Variants in TMC7 observed in about 807,000 individuals in gnomAD.
TMC7 encodes the protein transmembrane channel like 7, also known as transmembrane channel-like protein 7.
A neutral mutation model predicts 82.9 loss-of-function variants in TMC7; 54 were observed. That is an observed-to-expected ratio of 0.65 (90% CI 0.52 to 0.82). The LOEUF is 0.82. TMC7 is among the 40% of genes least tolerant of loss of function. The probability of loss-of-function intolerance (pLI) is 0.00; values close to 1 mark genes in which losing one functional copy is unlikely to be tolerated. For missense variants in TMC7, 820 were observed against 901.2 expected (o/e 0.91, Z 1.15); for synonymous variants, 350 against 337.9 (o/e 1.04, Z -0.39).
At chr16:19,016,167 G>T (rs1959678467) in intron 2 of TMC7, among the ~76,000 whole-genome samples, 1 of 151,906 alleles carries the variant, frequency 6.6e-6, no homozygotes, top group Non-Finnish European at 1.5e-5. Context: ...CACCATCTCG[G>T]CTCACCGCAA....
At chr16:18,989,192 A>G (rs899642126) in intron 1 of TMC7, among the ~76,000 whole-genome samples, 5 of 152,174 alleles carry the variant, frequency 3.3e-5, no homozygotes, top group Non-Finnish European at 7.4e-5. Context: ...TTCTAAGCCC[A>G]TTCGTCCAGG....
At chr16:19,021,541 C>T in intron 3 of TMC7, 88 bp from the exon 4 acceptor site, 1 of 1,419,760 alleles carries the variant, frequency 7.0e-7, no homozygotes, top group African/African-American at 1.4e-5. Flanking sequence ...ACTGATTCCT[C>T]CAGCTTCAGC....
chr16:19,012,982 A>T (rs919266634), intron 2 of TMC7, among the ~76,000 whole-genome samples: 3 of 149,240 alleles, frequency 2.0e-5, no homozygotes, highest in African/African-American at 7.4e-5. Flanking sequence ...ATGCCTGGCT[A>T]ATTTTGTAAT....
At position 19,045,022 on chromosome 16, in the gene TMC7, G is replaced by A. The variant is rs182552718; in HGVS notation, c.1455+21G>A. 1,368 of 1,565,916 alleles carry A rather than the reference G, an allele frequency of 8.7e-4. 18 individuals carry two copies. The East Asian group carries it at 0.027, about 31-fold the overall frequency. ...ACCCGGTGAGTTGCGGGGCGGGGGC[G>A]TTCGGCTGGGTGGGTCCTTCTGGAA... On this transcript the variant is annotated intron_variant, in intron 10 of 15. Coordinates refer to ENST00000304381, the MANE Select transcript of TMC7 (RefSeq NM_024847.4).
At chr16:19,016,420 G>T in intron 2 of TMC7, 30 bp from the exon 3 acceptor site, 3 of 1,613,180 alleles carry the variant, frequency 1.9e-6, no homozygotes, top group Non-Finnish European at 2.5e-6. Flanking sequence ...TGCTGTTGTT[G>T]TCATTGTCAT....
At chr16:19,051,600 C>T in intron 12 of TMC7, 86 bp from the exon 13 acceptor site, 3 of 1,487,444 alleles carry the variant, frequency 2.0e-6, no homozygotes, top group Non-Finnish European at 1.9e-6. Context: ...GATTAACATT[C>T]CCACTGTAAT....
chr16:19,052,128 C>T (rs1011220635), intron 13 of TMC7, among the ~76,000 whole-genome samples: 2 of 152,078 alleles, frequency 1.3e-5, no homozygotes, highest in Admixed American at 6.6e-5. Flanking sequence ...GACAGGGTTT[C>T]GCCACGTTGG....
intron 3 of TMC7, among the ~76,000 whole-genome samples, 155 bp from the exon 4 acceptor site, chr16:19,021,474 C>G (rs751864964): frequency 3.3e-5 from 5 of 152,114 alleles, no homozygotes; most frequent in Non-Finnish European, 5.9e-5. Context: ...ACTAGAAGAT[C>G]GAGTCTTAAA....
At chr16:19,004,393 C>A (rs2039198340) in intron 1 of TMC7, among the ~76,000 whole-genome samples, 1 of 152,112 alleles carries the variant, frequency 6.6e-6, no homozygotes, top group African/African-American at 2.4e-5. Context: ...GGGATGGAGT[C>A]TTGCTCTGTT....
intron 12 of TMC7, among the ~76,000 whole-genome samples, chr16:19,048,254 G>A (rs1328075169): frequency 6.6e-6 from 1 of 151,700 alleles, no homozygotes; most frequent in African/African-American, 2.4e-5. Context: ...GGAATTGCAG[G>A]TGTGAGCCAC....
chr16:19,029,870 G>A lies in TMC7; in HGVS notation c.712-354G>A, dbSNP rs1005795156. On this transcript the variant is annotated intron_variant, in intron 5 of 15. Coordinates refer to ENST00000304381, the MANE Select transcript of TMC7 (RefSeq NM_024847.4). ...TGGGGTTACAGGCGCGCAACACCAG[G>A]CCCAGCTAATTTTTTTGTATTTTTA... is the stretch of plus-strand genomic sequence containing the variant. Among the ~76,000 whole-genome samples the A allele has an allele frequency of 1.6e-4, 24 of 152,090 alleles. 1 individual carries two copies. Among genetic ancestry groups the A allele is most frequent in the Admixed American group, 1.1e-3 (17 of 15,258 alleles).
intron 1 of TMC7, among the ~76,000 whole-genome samples, chr16:18,993,643 G>C (rs1309469026): frequency 1.3e-5 from 2 of 152,218 alleles, no homozygotes; most frequent in Non-Finnish European, 2.9e-5. Context: ...AATGACTCCA[G>C]CTTCCTTTGG....
chr16:18,993,443 TG>T (rs2038985400), intron 1 of TMC7, among the ~76,000 whole-genome samples: 1 of 152,162 alleles, frequency 6.6e-6, no homozygotes, highest in Non-Finnish European at 1.5e-5. Context: ...AAGAACCATT[TG>T]CCTTGTGTGG....
At chr16:19,052,270 A>C (rs908694635) in intron 13 of TMC7, among the ~76,000 whole-genome samples, 28 of 152,130 alleles carry the variant, frequency 1.8e-4, no homozygotes, top group African/African-American at 5.1e-4. Flanking sequence ...GAGGCTGACA[A>C]GACTTCCAAG....
intron 1 of TMC7, among the ~76,000 whole-genome samples, chr16:18,995,967 G>GA (rs371832843): frequency 1.4e-4 from 22 of 151,914 alleles, no homozygotes; most frequent in African/African-American, 5.3e-4. Flanking sequence ...TATATTTGAT[G>GA]AAAAAAAACC....
intron 3 of TMC7, among the ~76,000 whole-genome samples, chr16:19,020,164 T>A (rs1567513040): frequency 1.3e-5 from 2 of 152,148 alleles, no homozygotes; most frequent in Admixed American, 1.3e-4. Context: ...TTTTAGCAAA[T>A]AAGAAGTAGA....
intron 15 of TMC7, chr16:19,059,947 A>G (rs537987917): frequency 1.0e-4 from 39 of 375,126 alleles, no homozygotes; most frequent in South Asian, 5.3e-4. Context: ...ATTGCACTCC[A>G]GCCTGGGTGA....
At chr16:19,026,855 G>T (rs1960254739) in intron 5 of TMC7, among the ~76,000 whole-genome samples, 1 of 151,886 alleles carries the variant, frequency 6.6e-6, no homozygotes, top group South Asian at 2.1e-4. Context: ...TCTGCCCCCT[G>T]GGTTCAAGCG....
chr16:19,026,180 T>TA (rs111479366), intron 5 of TMC7, among the ~76,000 whole-genome samples: 65,752 of 149,488 alleles, frequency 0.44, 15,806 homozygotes, highest in African/African-American at 0.64. Context: ...CAAAAAAAGT[T>TA]AAAAAAAAAT....
Sources: gnomAD v4.1 joint callset for allele counts (sites outside exome capture counted in the v4.1 genomes callset) on GRCh38, gnomAD v4.1.1 for gene constraint, MANE v1.5 for transcripts, NCBI Gene and HGNC (gene_info 2026-07-23, HGNC 2026-07-21) for gene names.